The following GPM6B variants were observed in gnomAD, a reference collection of about 807,000 sequenced individuals.
GPM6B encodes glycoprotein M6B, also known as neuronal membrane glycoprotein M6-b.
GPM6B carries 4 observed loss-of-function variants against 27.2 expected under a neutral mutation model. The observed-to-expected ratio is 0.15, with a 90% CI of 0.07 to 0.34. GPM6B has a LOEUF of 0.34. Among genes scored for constraint, GPM6B ranks in the 10% least tolerant of loss-of-function variants. The pLI is 1.00. For synonymous variants in GPM6B, 124 were observed against 103.1 expected, an observed-to-expected ratio of 1.20 and a Z score of -1.23; for missense variants, 183 against 261.9, an observed-to-expected ratio of 0.70 and a Z score of 2.08.
intron 2 of GPM6B, among the ~76,000 whole-genome samples, chrX:13,793,201 C>T (rs1184591528): frequency 9.0e-6 from 1 of 111,401 alleles, no homozygotes; most frequent in African/African-American, 3.3e-5. Context: ...TCCACAACCC[C>T]TTATCATCAT....
chrX:13,880,162 C>T (rs2050079744), intron 1 of GPM6B, among the ~76,000 whole-genome samples: 1 of 111,609 alleles, frequency 9.0e-6, no homozygotes, highest in Admixed American at 9.5e-5. Context: ...TCTGAAATGG[C>T]AGGCCACGTT....
intron 1 of GPM6B, among the ~76,000 whole-genome samples, chrX:13,843,264 G>GT (rs201761095): frequency 0.016 from 1,769 of 112,260 alleles, 40 homozygotes; most frequent in African/African-American, 0.054. Context: ...GCTGTAGCAT[G>GT]TGTTAGTATT....
chrX:13,803,258 A>G (rs1400829865), intron 2 of GPM6B, among the ~76,000 whole-genome samples: 1 of 111,138 alleles, frequency 9.0e-6, no homozygotes, highest in Non-Finnish European at 1.9e-5. Flanking sequence ...ACAAGGTGCA[A>G]CATGAGTTAA....
intron 1 of GPM6B, among the ~76,000 whole-genome samples, chrX:13,931,413 A>G (rs188716894): frequency 0.031 from 3,364 of 109,460 alleles, 142 homozygotes; most frequent in African/African-American, 0.1. Context: ...GCGTGAACCC[A>G]GGAGGCAGAG....
At chrX:13,824,158 T>TA (rs1290709990) in intron 1 of GPM6B, among the ~76,000 whole-genome samples, 2 of 112,191 alleles carry the variant, frequency 1.8e-5, no homozygotes, top group African/African-American at 3.2e-5. Context: ...CCCTGGCCTC[T>TA]ACTCAGTAGA....
At chrX:13,921,763 G>C (rs1229715008) in intron 1 of GPM6B, among the ~76,000 whole-genome samples, 1 of 110,920 alleles carries the variant, frequency 9.0e-6, no homozygotes, top group East Asian at 2.8e-4. Context: ...ATTTTTAGTA[G>C]AGACGGGGTT....
intron 1 of GPM6B, among the ~76,000 whole-genome samples, chrX:13,872,358 CG>C (rs1158739159): frequency 2.7e-5 from 3 of 109,265 alleles, no homozygotes; most frequent in African/African-American, 1.0e-4. Context: ...TTTGTAGATA[CG>C]GGGTTTCACT....
At chrX:13,786,061 C>T (rs1016177704) in intron 2 of GPM6B, among the ~76,000 whole-genome samples, 6 of 112,561 alleles carry the variant, frequency 5.3e-5, no homozygotes, top group Non-Finnish European at 9.4e-5. Flanking sequence ...TAGTGAATGG[C>T]AGAGCAGTCA....
chrX:13,771,301 T>C lies in GPM6B; in HGVS notation c.*1580A>G, dbSNP rs889796287. On this transcript the variant is annotated 3_prime_UTR_variant, in exon 8 of 8. Transcript: ENST00000316715. ...ACAGCACCTCCACTGCTGGAAAGAATAGTTAAATCTGTCATGCAACAGGAA... is the reference window on the plus strand; with the variant it reads ...ACAGCACCTCCACTGCTGGAAAGAACAGTTAAATCTGTCATGCAACAGGAA... 4 of 110,782 alleles carry C rather than the reference T, an allele frequency of 3.6e-5. No individual in the cohort carries two copies. The highest frequency in any genetic ancestry group is 7.6e-5 in the Non-Finnish European group (4 of 52,836). The allele number at this position is 110,782 out of a possible 1,213,427, so 9.1% of individuals were successfully genotyped here. A position where few individuals can be genotyped will look rare whatever the true frequency, so the allele number is the denominator to read the frequency against.
At chrX:13,791,469 C>G (rs900195468) in intron 2 of GPM6B, among the ~76,000 whole-genome samples, 1 of 111,984 alleles carries the variant, frequency 8.9e-6, no homozygotes, top group Non-Finnish European at 1.9e-5. Context: ...ATTCTCAATA[C>G]CTCTCACCAA....
In GPM6B at chrX:13,802,439, T is replaced by G. The variant is rs1321958017; in HGVS notation, c.181+5211A>C. On this transcript the variant is annotated intron_variant, in intron 2 of 7. Transcript: ENST00000316715. Reference sequence around the variant, plus strand: ...CACACAGTAAGCCATTGTTACATAATTAGGTGCTAATCACAGACTAACAAT... The same window carrying G: ...CACACAGTAAGCCATTGTTACATAAGTAGGTGCTAATCACAGACTAACAAT... Among the ~76,000 whole-genome samples the G allele has an allele frequency of 2.7e-5, 3 of 111,659 alleles. No homozygotes were observed. In the East Asian group the frequency reaches 8.4e-4, roughly 31 times the overall value.
intron 2 of GPM6B, among the ~76,000 whole-genome samples, chrX:13,786,492 G>C (rs139018290): frequency 9.0e-6 from 1 of 111,195 alleles, no homozygotes; most frequent in Non-Finnish European, 1.9e-5. Context: ...GTTGACATCA[G>C]AAATTATCTC....
At position 13,816,913 on chromosome X, in the gene GPM6B, C is replaced by T; in HGVS notation, c.-9G>A. The T allele has an allele frequency of 1.7e-6, 2 of 1,194,406 alleles. No homozygotes were observed. Among genetic ancestry groups the T allele is most frequent in the South Asian group, 3.7e-5 (2 of 53,931 alleles). Reference sequence around the variant, plus strand: ...TCCATGGCTGGCTTCATACCATCCACCAAAAATGCTTTTCCCCCTGTTCCC... The same window carrying T: ...TCCATGGCTGGCTTCATACCATCCATCAAAAATGCTTTTCCCCCTGTTCCC... On this transcript the variant is annotated 5_prime_UTR_variant, in exon 1 of 8. It adds an upstream start codon to the 5' untranslated region. Coordinates refer to ENST00000316715, the MANE Select transcript of GPM6B (RefSeq NM_001001995.3).
chrX:13,841,986 G>T (rs1404175390), intron 1 of GPM6B, among the ~76,000 whole-genome samples: 1 of 111,883 alleles, frequency 8.9e-6, no homozygotes, highest in Non-Finnish European at 1.9e-5. Context: ...CAGCTTGTGG[G>T]AAACCTCAAT....
chrX:13,913,853 G>A lies in GPM6B; in HGVS notation c.-198+24474C>T, dbSNP rs2050403048. 2.7e-5 allele frequency among the ~76,000 whole-genome samples: 3 copies of A among 111,500 alleles called. No homozygotes were observed. The South Asian group carries it at 1.2e-3, about 43-fold the overall frequency. On this transcript the variant is annotated intron_variant, in intron 1 of 6. Coordinates refer to the GPM6B transcript ENST00000398361. The stretch of plus-strand genomic sequence containing the variant: ...CACAGCCTCAACCTCCCAGGCTCAA[G>A]CAATCCTCCCATCTCAGCCTCCCGA...
chrX:13,842,491 G>GA (rs2049590055), intron 1 of GPM6B, among the ~76,000 whole-genome samples: 2 of 111,387 alleles, frequency 1.8e-5, no homozygotes, highest in South Asian at 7.7e-4. Flanking sequence ...AAGCCCAGGG[G>GA]CCCCTAATGA....
chrX:13,872,925 G>A (rs1029686160), intron 1 of GPM6B, among the ~76,000 whole-genome samples: 2 of 110,885 alleles, frequency 1.8e-5, no homozygotes, highest in Middle Eastern at 4.6e-3. Context: ...CTTCCATTTC[G>A]CACCCTGGTC....
chrX:13,807,801 C>T (rs756340081), intron 1 of GPM6B, 32 bp from the exon 2 acceptor site: 2 of 1,156,225 alleles, frequency 1.7e-6, no homozygotes, highest in South Asian at 2.0e-5. Flanking sequence ...GAGTCAGTGT[C>T]TCTATCTCCA....
chrX:13,812,051 T>TC (rs1196493901), intron 1 of GPM6B, among the ~76,000 whole-genome samples: 6 of 88,604 alleles, frequency 6.8e-5, no homozygotes, highest in African/African-American at 2.7e-4. Context: ...TTTCTTTCTT[T>TC]TTTTTTTTTT....
Sources: gnomAD v4.1 joint callset for allele counts (sites outside exome capture counted in the v4.1 genomes callset) on GRCh38, gnomAD v4.1.1 for gene constraint, MANE v1.5 for transcripts, NCBI Gene and HGNC (gene_info 2026-07-23, HGNC 2026-07-21) for gene names.